Variants in FOXP4 observed in about 807,000 individuals in gnomAD.
The protein encoded by FOXP4 is forkhead box protein P4.
Under a neutral mutation model 82.6 loss-of-function variants are expected in FOXP4, and 25 were observed. The observed-to-expected ratio is 0.30, with a 90% CI of 0.22 to 0.42. FOXP4 has a LOEUF of 0.42. FOXP4 is among the 10% of genes least tolerant of loss of function. FOXP4 has a pLI of 1.00. For missense variants in FOXP4, 785 were observed against 900.9 expected, an observed-to-expected ratio of 0.87 and a Z score of 1.65; for synonymous variants, 415 against 388.2, an observed-to-expected ratio of 1.07 and a Z score of -0.81.
rs746950947 is a variant in FOXP4 at position 41,587,821 on chromosome 6, C to T, written c.901C>T (p.His301Tyr). ...TTCCCACGAGGAGACCCCCGGCTCC[C>T]ACCCCCTGTACGGACACGGAGAGTG... Reference protein sequence around the residue: ...SSSHEETPGSHPLYGHGECKW... With the variant: ...SSSHEETPGSYPLYGHGECKW... Residue 301 changes from histidine to tyrosine, a missense_variant, in exon 8 of 17, where the codon CAC becomes TAC. His to Tyr is a moderately conservative substitution (Grantham distance 83). Around this residue, in one of 3 missense-constraint regions of FOXP4, gnomAD observed 570 missense variants for 634.0 expected, o/e 0.90. Coordinates refer to ENST00000307972, the MANE Select transcript of FOXP4 (RefSeq NM_001012426.2). 14 of 1,569,328 alleles carry T rather than the reference C, an allele frequency of 8.9e-6. No individual in the cohort carries two copies. The highest frequency in any genetic ancestry group is 1.1e-5 in the Non-Finnish European group (13 of 1,155,646).
At position 41,598,903 on chromosome 6, in the gene FOXP4, G is replaced by A. The variant is rs1474798861; in HGVS notation, c.2010G>A (p.Leu670=). Residue 670 remains leucine (L), a synonymous_variant, in exon 17 of 17, where the codon CTG becomes CTA. Coordinates refer to ENST00000307972, the MANE Select transcript of FOXP4 (RefSeq NM_001012426.2). ...SASGPPEDRD[L]EEELPGEELS ...CGGGGCCTCCGGAAGACAGGGACCT[G>A]GAGGAGGAGCTGCCGGGAGAAGAAC... 2 of 1,608,100 alleles carry A rather than the reference G, an allele frequency of 1.2e-6. No individual in the cohort carries two copies. The highest frequency in any genetic ancestry group is 1.7e-6 in the Non-Finnish European group (2 of 1,178,196).
Position 41,593,145 on chromosome 6 carries a change from T to C in FOXP4, c.1537-1725T>C, listed in dbSNP as rs1472978910. ...TTCATGTTACTTGGGAAATACACCA[T>C]CTACACCCAACTCTGCTTCCCTTCC... On this transcript the variant is annotated intron_variant, in intron 13 of 16. Coordinates refer to ENST00000307972, the MANE Select transcript of FOXP4 (RefSeq NM_001012426.2). This position sits in a 1 kb window ranked among gnomAD's most constrained non-coding sequence, Gnocchi z 4.1. 1.3e-5 allele frequency among the ~76,000 whole-genome samples: 2 copies of C among 152,214 alleles called. No individual in the cohort carries two copies. Among genetic ancestry groups the C allele is most frequent in the African/African-American group, 2.4e-5 (1 of 41,456 alleles).
intron 1 of FOXP4, among the ~76,000 whole-genome samples, chr6:41,552,339 C>T (rs146054338): frequency 2.0e-5 from 3 of 152,156 alleles, no homozygotes; most frequent in African/African-American, 7.2e-5. Flanking sequence ...GGAGACCCAG[C>T]GAGAGGCTGC....
At position 41,598,715 on chromosome 6, in the gene FOXP4, G is replaced by C; in HGVS notation, c.1896-74G>C. 1.9e-6 allele frequency: 3 copies of C among 1,545,498 alleles called. No homozygotes were observed. The South Asian group carries it at 3.6e-5, about 18-fold the overall frequency. The stretch of plus-strand genomic sequence containing the variant: ...ACCCCACTGTGCCCCAGAGTTCTGG[G>C]TGAGTTTGGGGGGCAGGGGGCAGAG... On this transcript the variant is annotated intron_variant, in intron 16 of 16. Coordinates refer to ENST00000307972, the MANE Select transcript of FOXP4 (RefSeq NM_001012426.2).
chr6:41,585,554 C>T (rs188320749), intron 5 of FOXP4, 37 bp downstream of exon 5: 9 of 1,590,718 alleles, frequency 5.7e-6, no homozygotes, highest in Middle Eastern at 1.7e-4. Context: ...CCGCCCTCAC[C>T]CCCTGCCCAG....
intron 13 of FOXP4, among the ~76,000 whole-genome samples, chr6:41,594,392 G>A (rs1032712375): frequency 2.6e-4 from 40 of 152,300 alleles, no homozygotes; most frequent in African/African-American, 9.1e-4. Flanking sequence ...GGCAGTGAGG[G>A]TTTATGAGCT....
intron 2 of FOXP4, among the ~76,000 whole-genome samples, chr6:41,571,578 C>A (rs765092745): frequency 6.6e-6 from 1 of 152,144 alleles, no homozygotes; most frequent in Non-Finnish European, 1.5e-5. Flanking sequence ...TGTGTCTGTG[C>A]GTTGCTGGTT....
chr6:41,576,968 A>G (rs1765523284), intron 2 of FOXP4, among the ~76,000 whole-genome samples: 1 of 152,094 alleles, frequency 6.6e-6, no homozygotes, highest in African/African-American at 2.4e-5. Context: ...CTTGCCTTCA[A>G]ACCTCCCACT....
At chr6:41,555,878 C>T (rs1343589903) in intron 1 of FOXP4, among the ~76,000 whole-genome samples, 1 of 152,204 alleles carries the variant, frequency 6.6e-6, no homozygotes, top group East Asian at 1.9e-4. Context: ...CTTAATTAGA[C>T]ACTTAGATGG....
Position 41,565,347 on chromosome 6 carries a change from G to A in FOXP4, c.-16-398G>A, listed in dbSNP as rs531088938. Among the ~76,000 whole-genome samples, 7 of 152,266 alleles carry A rather than the reference G, an allele frequency of 4.6e-5. No homozygotes were observed. In the East Asian group the frequency reaches 5.8e-4, roughly 13 times the overall value. On this transcript the variant is annotated intron_variant, in intron 1 of 16. Coordinates refer to ENST00000307972, the MANE Select transcript of FOXP4 (RefSeq NM_001012426.2). ...TGCACTCTAGCCTGGGCAATAGAGC[G>A]AGACTGTGTCTCAAAAACAAACAAA...
intron 15 of FOXP4, 80 bp downstream of exon 15, chr6:41,597,322 T>TGA: frequency 7.0e-7 from 1 of 1,423,450 alleles, no homozygotes; most frequent in Non-Finnish European, 9.9e-7. Flanking sequence ...CATCCTCCCC[T>TGA]GCAGAGGACT....
intron 2 of FOXP4, among the ~76,000 whole-genome samples, chr6:41,566,671 C>G (rs1266404911): frequency 1.3e-5 from 2 of 152,170 alleles, no homozygotes; most frequent in African/African-American, 4.8e-5. Context: ...CTGGTCCCAC[C>G]TGGGGAAAAA....
At position 41,565,839 on chromosome 6, in the gene FOXP4, G is replaced by A. The variant is rs1321105994; in HGVS notation, c.79G>A (p.Ala27Thr). ...QNGVGSLSGQ[A>T]DGSSGGATGT... ...TGGCGTGGGCAGCCTCTCTGGGCAA[G>A]CCGATGGCAGCAGCGGCGGGGCCAC... is the stretch of plus-strand genomic sequence containing the variant. Residue 27 changes from alanine (A) to threonine (T), a missense_variant, in exon 2 of 17, where the codon GCC (alanine) becomes ACC (threonine). By Grantham distance (58) the Ala-to-Thr change is moderately conservative. This residue lies in a region of FOXP4 where 570 missense variants were observed against 634.0 expected (regional missense o/e 0.90). Coordinates refer to ENST00000307972, the MANE Select transcript of FOXP4 (RefSeq NM_001012426.2). 6.2e-7 allele frequency: 1 copy of A among 1,613,902 alleles called. No individual in the cohort carries two copies. Among genetic ancestry groups the A allele is most frequent in the African/African-American group, 1.3e-5 (1 of 74,932 alleles).
Position 41,565,815 on chromosome 6 carries a change from G to A in FOXP4, c.55G>A (p.Gly19Ser). 1.2e-6 allele frequency: 2 copies of A among 1,613,844 alleles called. No individual in the cohort carries two copies. Among genetic ancestry groups the A allele is most frequent in the Non-Finnish European group, 1.7e-6 (2 of 1,179,956 alleles). ...TIRSAPSGQN[G>S]VGSLSGQADG... ...CAGGTCGGCTCCATCTGGTCAGAAT[G>A]GCGTGGGCAGCCTCTCTGGGCAAGC... The change falls in exon 2 of 17, where the codon GGC (glycine) becomes AGC (serine). Residue 19 changes from glycine (G) to serine (S), a missense_variant. By Grantham distance (56) the Gly-to-Ser change is moderately conservative. Transcript: ENST00000307972.
chr6:41,559,825 C>T (rs1451689872), intron 1 of FOXP4, among the ~76,000 whole-genome samples: 1 of 152,214 alleles, frequency 6.6e-6, no homozygotes, highest in African/African-American at 2.4e-5. Context: ...CTAGGAACTT[C>T]TTAGAAATAC....
chr6:41,585,623 T>C (rs1561795856), intron 5 of FOXP4, 106 bp downstream of exon 5: 6 of 1,049,114 alleles, frequency 5.7e-6, no homozygotes, highest in South Asian at 3.3e-5. Flanking sequence ...TAGAAAAATC[T>C]AGAAAAGGCT....
intron 1 of FOXP4, among the ~76,000 whole-genome samples, chr6:41,559,896 T>G (rs1764470696): frequency 6.6e-6 from 1 of 152,212 alleles, no homozygotes. Context: ...CCCAGTAATC[T>G]GTGTTTTAAC....
At chr6:41,562,263 GGT>G (rs899830933) in intron 1 of FOXP4, among the ~76,000 whole-genome samples, 31 of 152,234 alleles carry the variant, frequency 2.0e-4, no homozygotes, top group African/African-American at 7.0e-4. Flanking sequence ...GAGGTGTATG[GGT>G]GTGTGTCAGT....
intron 8 of FOXP4, among the ~76,000 whole-genome samples, chr6:41,588,222 C>T (rs1361974801): frequency 2.6e-5 from 4 of 152,170 alleles, no homozygotes; most frequent in East Asian, 1.9e-4. Context: ...GGAGTGATGG[C>T]GAGTGACAGG....
Sources: gnomAD v4.1 joint callset for allele counts (sites outside exome capture counted in the v4.1 genomes callset) on GRCh38, gnomAD v4.1.1 for gene constraint, gnomAD v4.1.1 regional missense constraint, Gnocchi (gnomAD v3.1) non-coding constraint, MANE v1.5 for transcripts, NCBI Gene and HGNC (gene_info 2026-07-23, HGNC 2026-07-21) for gene names.